Variants in RERE observed in about 807,000 individuals in gnomAD.
RERE encodes the protein arginine-glutamic acid dipeptide repeats, also known as arginine-glutamic acid dipeptide repeats protein.
In RERE, 40 loss-of-function variants were observed where a neutral mutation model predicts 146.1. That is an observed-to-expected ratio of 0.27 (90% CI 0.21 to 0.36). The LOEUF (loss-of-function observed/expected upper bound fraction) is 0.36, where lower values mean the gene tolerates loss of function less well. Ranked by LOEUF, RERE falls within the 10% of genes least tolerant of loss-of-function variation. The pLI is 1.00. For missense variants in RERE, 1,933 were observed against 2,138.7 expected (o/e 0.90, Z 1.90); for synonymous variants, 1,003 against 866.0 (o/e 1.16, Z -2.78).
intron 7 of RERE, among the ~76,000 whole-genome samples, chr1:8,519,039 A>T (rs761741010): frequency 1.3e-5 from 2 of 152,222 alleles, no homozygotes; most frequent in Non-Finnish European, 2.9e-5. Flanking sequence ...GTTCAAAAGC[A>T]GGGAAAGAGC....
chr1:8,775,478 GGAGGCTGAAATGA>G (rs1271758572), intron 1 of RERE, among the ~76,000 whole-genome samples: 21 of 152,176 alleles, frequency 1.4e-4, no homozygotes, highest in African/African-American at 5.1e-4. Flanking sequence ...CAGCTACTCA[GGAGGCTGAAATGA>G]GAGGATCTCT....
At chr1:8,697,828 T>A (rs1016675886) in intron 1 of RERE, among the ~76,000 whole-genome samples, 4 of 152,154 alleles carry the variant, frequency 2.6e-5, no homozygotes, top group Non-Finnish European at 5.9e-5. Context: ...GACTTAAAAT[T>A]TTGAGTCCTT....
At chr1:8,497,907 G>A (rs1427790775) in intron 8 of RERE, among the ~76,000 whole-genome samples, 1 of 152,182 alleles carries the variant, frequency 6.6e-6, no homozygotes, top group African/African-American at 2.4e-5. Context: ...AATATAACAA[G>A]TTGACAAAGA....
chr1:8,529,287 C>CTTCTTTTTTT lies in RERE; in HGVS notation c.830+11926_830+11927insAAAAAAAGAA, dbSNP rs1382281413. 4.0e-3 allele frequency among the ~76,000 whole-genome samples: 407 copies of CTTCTTTTTTT among 102,424 alleles called. 6 individuals are homozygous for CTTCTTTTTTT. The highest frequency in any genetic ancestry group is 0.015 in the African/African-American group (394 of 26,036). The allele number at this position is 102,424 out of a possible 152,430, so 67.2% of individuals were successfully genotyped here. On this transcript the variant is annotated intron_variant, in intron 7 of 22. Coordinates refer to ENST00000400908, the MANE Select transcript of RERE (RefSeq NM_001042681.2). ...CCTCCACAACCATCAGTTCTCCCTT[C>CTTCTTTTTTT]TTTTTTTTTTTTTTTTTTTTGAGAT...
intron 12 of RERE, among the ~76,000 whole-genome samples, chr1:8,388,919 G>T (rs1642782421): frequency 6.6e-6 from 1 of 152,132 alleles, no homozygotes; most frequent in Admixed American, 6.5e-5. Context: ...CCACTCTAAA[G>T]GTGCTGTCCG....
Position 8,399,248 on chromosome 1 carries a change from C to T in RERE, c.1284+23479G>A, listed in dbSNP as rs527962820. Among the ~76,000 whole-genome samples the T allele has an allele frequency of 3.3e-5, 5 of 152,008 alleles. No homozygotes were observed. In the South Asian group the frequency reaches 1.0e-3, roughly 32 times the overall value. On this transcript the variant is annotated intron_variant, in intron 12 of 22. Coordinates refer to ENST00000400908, the MANE Select transcript of RERE (RefSeq NM_001042681.2). ...ATATAGATAAATATATTATCATTTA[C>T]TTTTTGAGTTGTACTTTTTGTACTA... is the stretch of plus-strand genomic sequence containing the variant.
In RERE at chr1:8,358,429, G is replaced by A. The variant is rs1233073978; in HGVS notation, c.4106C>T (p.Pro1369Leu). The change falls in exon 20 of 23, where the codon CCG (proline) becomes CTG (leucine). Residue 1369 changes from proline (P) to leucine (L), a missense_variant. Physicochemically the swap from Pro to Leu is moderately conservative, Grantham distance 98 (BLOSUM62 -3). This residue lies in a region of RERE where 1,255 missense variants were observed against 1,153.8 expected (regional missense o/e 1.09). Coordinates refer to ENST00000400908, the MANE Select transcript of RERE (RefSeq NM_001042681.2). ...AGPHPFASFHPGLNPLERERL... is the reference protein window; with the variant it reads ...AGPHPFASFHLGLNPLERERL... ...CTCCCTCTCCAAGGGGTTCAGGCCC[G>A]GGTGGAAAGAAGCAAAAGGGTGGGG... 12 of 1,593,208 alleles carry A rather than the reference G, an allele frequency of 7.5e-6. No homozygotes were observed. The highest frequency in any genetic ancestry group is 5.4e-5 in the African/African-American group (4 of 74,522).
At chr1:8,741,668 C>T (rs961369914) in intron 1 of RERE, among the ~76,000 whole-genome samples, 40 of 152,186 alleles carry the variant, frequency 2.6e-4, no homozygotes, top group Non-Finnish European at 4.1e-4. Context: ...TTGTAAGTTT[C>T]CTGGGGCCTC....
At position 8,364,073 on chromosome 1, in the gene RERE, G is replaced by A. The variant is rs759330952; in HGVS notation, c.1723C>T (p.Arg575Trp). The A allele has an allele frequency of 6.8e-6, 11 of 1,614,000 alleles. No individual in the cohort carries two copies. Among genetic ancestry groups the A allele is most frequent in the South Asian group, 1.1e-5 (1 of 91,084 alleles). Residue 575 changes from arginine to tryptophan, a missense_variant, in exon 15 of 23, where the codon CGG becomes TGG. Arg to Trp is a moderately radical substitution (Grantham distance 101). Around this residue, in one of 11 missense-constraint regions of RERE, gnomAD observed 1,255 missense variants for 1,153.8 expected, o/e 1.09. Transcript: ENST00000400908. This position sits in a 1 kb window ranked among gnomAD's most constrained non-coding sequence, Gnocchi z 5.1. Reference protein sequence around the residue: ...GLSGKHSMRTRRSRGSMSTLR... With the variant: ...GLSGKHSMRTWRSRGSMSTLR... ...GGACTCACCGAGCCCCGACTCCGCC[G>A]TGTCCTCATGCTATGCTTCCCACTG...
intron 11 of RERE, among the ~76,000 whole-genome samples, chr1:8,433,576 C>T (rs1351236965): frequency 1.6e-5 from 2 of 127,276 alleles, no homozygotes; most frequent in Non-Finnish European, 1.6e-5. Context: ...TTTTTTGAGA[C>T]GGAGTCTCGC....
intron 1 of RERE, among the ~76,000 whole-genome samples, chr1:8,707,952 T>C (rs1001935530): frequency 1.1e-4 from 17 of 150,728 alleles, no homozygotes; most frequent in Admixed American, 1.1e-3. Context: ...CAATGTATTG[T>C]TATAATTGTT....
At chr1:8,380,086 C>T (rs1642394086) in intron 12 of RERE, among the ~76,000 whole-genome samples, 1 of 152,214 alleles carries the variant, frequency 6.6e-6, no homozygotes, top group African/African-American at 2.4e-5. Context: ...AGGTATGTCA[C>T]TGTGCTCCCA....
intron 12 of RERE, among the ~76,000 whole-genome samples, chr1:8,417,077 G>C (rs974137022): frequency 6.6e-6 from 1 of 152,166 alleles, no homozygotes; most frequent in Non-Finnish European, 1.5e-5. Context: ...AACCGACTAA[G>C]GAAGTCCATA....
chr1:8,760,226 C>G (rs1486266898), intron 1 of RERE, among the ~76,000 whole-genome samples: 3 of 152,196 alleles, frequency 2.0e-5, no homozygotes, highest in Non-Finnish European at 4.4e-5. Context: ...GGGGTTTCAT[C>G]ATGTTGGCCA....
At chr1:8,463,708 G>A (rs1462439088) in intron 11 of RERE, among the ~76,000 whole-genome samples, 1 of 152,202 alleles carries the variant, frequency 6.6e-6, no homozygotes, top group Non-Finnish European at 1.5e-5. Flanking sequence ...AGTGGGGAGG[G>A]TGGGAGACAC....
At chr1:8,474,773 A>G (rs1644731696) in intron 10 of RERE, among the ~76,000 whole-genome samples, 1 of 152,218 alleles carries the variant, frequency 6.6e-6, no homozygotes, top group Non-Finnish European at 1.5e-5. Flanking sequence ...TGCATCTGGC[A>G]GTTTCTACTA....
At chr1:8,781,489 A>G (rs78002477) in intron 1 of RERE, among the ~76,000 whole-genome samples, 3,926 of 152,100 alleles carry the variant, frequency 0.026, 159 homozygotes, top group African/African-American at 0.089. Context: ...GTCCCACTGC[A>G]TTCCAGCCTG....
chr1:8,656,158 G>C lies in RERE; in HGVS notation c.140C>G (p.Ala47Gly), dbSNP rs1349353773. 2 of 1,613,652 alleles carry C rather than the reference G, an allele frequency of 1.2e-6. No homozygotes were observed. Among genetic ancestry groups the C allele is most frequent in the Admixed American group, 3.3e-5 (2 of 59,990 alleles). ...PRRSCTLEGG[A>G]KNYAESDHSE... ...GTGATCACTCTCAGCATAATTTTTG[G>C]CTCCTCCTTCCAAGGTACAGCTCCG... is the stretch of plus-strand genomic sequence containing the variant. The change falls in exon 2 of 23, where the codon GCC becomes GGC. Residue 47 changes from alanine (A) to glycine (G), a missense_variant. Ala to Gly is a moderately conservative substitution (Grantham distance 60, BLOSUM62 0). Around this residue, in one of 11 missense-constraint regions of RERE, gnomAD observed 107 missense variants for 119.7 expected, o/e 0.89. Transcript: ENST00000400908.
intron 4 of RERE, among the ~76,000 whole-genome samples, chr1:8,597,815 A>G (rs1308444999): frequency 1.3e-5 from 2 of 151,918 alleles, no homozygotes; most frequent in Non-Finnish European, 2.9e-5. Flanking sequence ...AATCCTGTTG[A>G]CAGTTTTCCC....
Sources: allele counts gnomAD v4.1 joint callset (sites outside exome capture counted in the v4.1 genomes callset), GRCh38; gene constraint gnomAD v4.1.1; regional missense constraint gnomAD v4.1.1; non-coding constraint Gnocchi (gnomAD v3.1); transcripts MANE v1.5; gene names NCBI Gene and HGNC (gene_info 2026-07-23, HGNC 2026-07-21).